KIAA1328: variants seen among roughly 807,000 people sequenced by gnomAD.
KIAA1328 encodes protein hinderin.
Under a neutral mutation model 68.1 loss-of-function variants are expected in KIAA1328, and 52 were observed. The ratio of observed to expected loss-of-function variants is 0.76; its 90% confidence interval spans 0.61 to 0.96. KIAA1328 has a LOEUF of 0.96. Among genes scored for constraint, KIAA1328 ranks in the 40% least tolerant of loss-of-function variants. The pLI is 0.00. For missense variants in KIAA1328, 641 were observed against 677.6 expected (o/e 0.95, Z 0.60); for synonymous variants, 232 against 239.4 (o/e 0.97, Z 0.28).
intron 6 of KIAA1328, 89 bp downstream of exon 6, chr18:36,959,524 A>T: frequency 1.1e-5 from 15 of 1,356,300 alleles, no homozygotes; most frequent in Non-Finnish European, 1.5e-5. Flanking sequence ...ATTTCCTCCC[A>T]GTATATAATA....
intron 7 of KIAA1328, among the ~76,000 whole-genome samples, chr18:37,139,537 G>A (rs1340313891): frequency 6.6e-6 from 1 of 152,110 alleles, no homozygotes. Flanking sequence ...TATTGGACCT[G>A]CCTTTGCTAC....
intron 6 of KIAA1328, among the ~76,000 whole-genome samples, chr18:37,014,806 G>T (rs781651671): frequency 3.3e-5 from 5 of 152,160 alleles, no homozygotes; most frequent in Non-Finnish European, 7.4e-5. Context: ...TGAGATTTGG[G>T]TGGAGACACC....
intron 6 of KIAA1328, among the ~76,000 whole-genome samples, chr18:37,001,048 C>G (rs1224301807): frequency 2.0e-5 from 3 of 151,550 alleles, no homozygotes; most frequent in Non-Finnish European, 2.9e-5. Context: ...AAGAACAGAC[C>G]TAAATGAAAT....
At chr18:36,880,078 GA>G (rs2048279376) in intron 4 of KIAA1328, among the ~76,000 whole-genome samples, 1 of 152,164 alleles carries the variant, frequency 6.6e-6, no homozygotes, top group African/African-American at 2.4e-5. Context: ...ACTGGGGTAT[GA>G]AAAAACTCCT....
At chr18:37,191,720 C>A (rs2059907690) in intron 9 of KIAA1328, among the ~76,000 whole-genome samples, 1 of 152,182 alleles carries the variant, frequency 6.6e-6, no homozygotes, top group Non-Finnish European at 1.5e-5. Context: ...TAAGTGGAAT[C>A]ATTAACTGTA....
rs186278493 is a variant in KIAA1328 at position 37,047,298 on chromosome 18, C to G, written c.577-19592C>G. Reference sequence around the variant, plus strand: ...TCCATGTAAACTTCGTGTTTTGATTCCTTTGGGTACTGAGATAATCTGTCC... The same window carrying G: ...TCCATGTAAACTTCGTGTTTTGATTGCTTTGGGTACTGAGATAATCTGTCC... On this transcript the variant is annotated intron_variant, in intron 6 of 9. Coordinates refer to ENST00000280020, the MANE Select transcript of KIAA1328 (RefSeq NM_020776.3). Among the ~76,000 whole-genome samples the G allele has an allele frequency of 2.1e-3, 316 of 152,124 alleles. 4 individuals are homozygous for G. The highest frequency in any genetic ancestry group is 5.1e-4 in the Non-Finnish European group (35 of 68,010).
chr18:37,169,170 A>T (rs917644608), intron 8 of KIAA1328, among the ~76,000 whole-genome samples: 499 of 131,180 alleles, frequency 3.8e-3, no homozygotes, highest in African/African-American at 9.7e-3. Flanking sequence ...ATTTATTTAT[A>T]TTTTTTTTTT....
At chr18:36,967,244 T>C (rs955008794) in intron 6 of KIAA1328, among the ~76,000 whole-genome samples, 3 of 152,234 alleles carry the variant, frequency 2.0e-5, no homozygotes, top group Non-Finnish European at 2.9e-5. Context: ...TTACCATTTC[T>C]AGCTTTAAAG....
Position 37,223,981 on chromosome 18 carries a change from T to C in KIAA1328, c.*1754T>C. On this transcript the variant is annotated 3_prime_UTR_variant, in exon 10 of 10. Transcript: ENST00000280020. ...AAAATTTCTTTATAAAGTTCACCTCTGAGAGTAACCAAATCGGTTTCATCC... is the reference window on the plus strand; with the variant it reads ...AAAATTTCTTTATAAAGTTCACCTCCGAGAGTAACCAAATCGGTTTCATCC... 4.1e-6 allele frequency: 4 copies of C among 985,458 alleles called. No homozygotes were observed. The highest frequency in any genetic ancestry group is 4.8e-6 in the Non-Finnish European group (4 of 829,924). The allele number at this position is 985,458 out of a possible 1,614,324, so 61.0% of individuals were successfully genotyped here. A position where few individuals can be genotyped will look rare whatever the true frequency, so the allele number is the denominator to read the frequency against.
At chr18:37,194,208 G>A (rs986439267) in intron 9 of KIAA1328, among the ~76,000 whole-genome samples, 15 of 152,144 alleles carry the variant, frequency 9.9e-5, no homozygotes, top group South Asian at 8.3e-4. Flanking sequence ...AATAGAGGCC[G>A]TACAACTCAT....
downstream of KIAA1328, chr18:37,232,022 A>C (rs1208655207): frequency 6.6e-6 from 1 of 152,204 alleles, no homozygotes; most frequent in Non-Finnish European, 1.5e-5. Flanking sequence ...ACATTGGGAA[A>C]TGGTAAACTG....
intron 7 of KIAA1328, among the ~76,000 whole-genome samples, chr18:37,119,302 G>A (rs1179870019): frequency 2.6e-5 from 4 of 152,120 alleles, no homozygotes; most frequent in African/African-American, 9.7e-5. Context: ...TACTAGTTTA[G>A]AGAAAAGACA....
chr18:36,976,586 G>A (rs1171634884), intron 6 of KIAA1328, among the ~76,000 whole-genome samples: 1 of 151,982 alleles, frequency 6.6e-6, no homozygotes, highest in African/African-American at 2.4e-5. Flanking sequence ...AAGAAAGGAA[G>A]GATGGATGGA....
intron 6 of KIAA1328, among the ~76,000 whole-genome samples, chr18:36,983,944 T>C (rs1184283990): frequency 1.3e-5 from 2 of 152,176 alleles, no homozygotes; most frequent in Non-Finnish European, 2.9e-5. Context: ...ACAGGTTTAA[T>C]TTAGCATTTG....
chr18:36,872,070 CT>C (rs1273559675), intron 4 of KIAA1328, among the ~76,000 whole-genome samples: 1 of 152,060 alleles, frequency 6.6e-6, no homozygotes, highest in Non-Finnish European at 1.5e-5. Flanking sequence ...TCTATCTTCC[CT>C]GTGTAACAAA....
intron 4 of KIAA1328, among the ~76,000 whole-genome samples, chr18:36,867,603 A>G (rs917211365): frequency 2.0e-5 from 3 of 152,232 alleles, no homozygotes; most frequent in Admixed American, 6.5e-5. Context: ...TTACAAGAGC[A>G]TGGCCAAGAG....
chr18:36,942,484 G>A (rs2050751789), intron 5 of KIAA1328, among the ~76,000 whole-genome samples: 2 of 152,146 alleles, frequency 1.3e-5, no homozygotes. Flanking sequence ...ACAAATCGCA[G>A]CACCACTGAC....
chr18:37,102,462 A>C (rs2057650780), intron 7 of KIAA1328, among the ~76,000 whole-genome samples: 5 of 152,250 alleles, frequency 3.3e-5, no homozygotes, highest in Admixed American at 3.3e-4. Context: ...ATATCACATC[A>C]ACAAAACAAC....
chr18:36,843,184 T>A (rs2046915202), intron 3 of KIAA1328, among the ~76,000 whole-genome samples: 1 of 152,200 alleles, frequency 6.6e-6, no homozygotes, highest in African/African-American at 2.4e-5. Context: ...TCCAGCTTCC[T>A]GCCTAGACGT....
Sources: gnomAD v4.1 joint callset for allele counts (sites outside exome capture counted in the v4.1 genomes callset) on GRCh38, gnomAD v4.1.1 for gene constraint, MANE v1.5 for transcripts, NCBI Gene and HGNC (gene_info 2026-07-23, HGNC 2026-07-21) for gene names.